Variants in FRMD4B observed in about 807,000 individuals in gnomAD.
The protein encoded by FRMD4B is FERM domain-containing protein 4B.
Under a neutral mutation model 141.5 loss-of-function variants are expected in FRMD4B, and 74 were observed. That is an observed-to-expected ratio of 0.52 (90% CI 0.43 to 0.63). FRMD4B has a LOEUF of 0.63. Among genes scored for constraint, FRMD4B ranks in the 30% least tolerant of loss-of-function variants. FRMD4B has a pLI of 0.00. For synonymous variants in FRMD4B, 506 were observed against 467.9 expected (o/e 1.08, Z -1.05); for missense variants, 1,366 against 1,253.4 (o/e 1.09, Z -1.36).
chr3:69,529,126 G>A lies in FRMD4B; in HGVS notation c.-129+13080C>T, dbSNP rs74550638. ...GTTGGCCACCAGCAACACCAGCAGC[G>A]TCTGCTATAGTAATCAACACAGAAC... On this transcript the variant is annotated intron_variant, in intron 1 of 5. Coordinates refer to the FRMD4B transcript ENST00000459638. Among the ~76,000 whole-genome samples the A allele has an allele frequency of 2.7e-3, 407 of 152,260 alleles. 3 individuals carry two copies. Among genetic ancestry groups the A allele is most frequent in the African/African-American group, 9.1e-3 (379 of 41,556 alleles).
At chr3:69,420,305 A>C (rs1016209549) in intron 2 of FRMD4B, among the ~76,000 whole-genome samples, 1 of 150,966 alleles carries the variant, frequency 6.6e-6, no homozygotes, top group Non-Finnish European at 1.5e-5. Flanking sequence ...AAAAAAAAAA[A>C]CAACCAAAAC....
intron 1 of FRMD4B, chr3:69,536,437 A>G: frequency 1.4e-6 from 1 of 707,358 alleles, no homozygotes; most frequent in Non-Finnish European, 2.6e-6. Context: ...GAGGACGTCC[A>G]CCGTTGGGTA....
intron 21 of FRMD4B, 138 bp downstream of exon 21, chr3:69,180,761 T>C: frequency 1.6e-6 from 1 of 622,198 alleles, no homozygotes; most frequent in African/African-American, 1.8e-5. Flanking sequence ...TGGAAATTCT[T>C]ATTGTGGGGT....
At chr3:69,269,669 G>C (rs1014631522) in intron 5 of FRMD4B, among the ~76,000 whole-genome samples, 7 of 152,212 alleles carry the variant, frequency 4.6e-5, no homozygotes, top group African/African-American at 1.7e-4. Context: ...TTTTGAGACA[G>C]GGTCTTGCTC....
chr3:69,415,529 C>G (rs1367002791), intron 2 of FRMD4B, among the ~76,000 whole-genome samples: 1 of 152,140 alleles, frequency 6.6e-6, no homozygotes, highest in Non-Finnish European at 1.5e-5. Context: ...CCTGTTGCCT[C>G]CATATGGAAC....
intron 2 of FRMD4B, among the ~76,000 whole-genome samples, chr3:69,401,638 G>A (rs1358244021): frequency 1.3e-5 from 2 of 152,004 alleles, no homozygotes; most frequent in Non-Finnish European, 2.9e-5. Context: ...CAGCTTTGAC[G>A]TCCTGGGCTC....
chr3:69,436,374 G>A (rs981695883), intron 1 of FRMD4B, among the ~76,000 whole-genome samples: 2 of 152,112 alleles, frequency 1.3e-5, no homozygotes, highest in Non-Finnish European at 2.9e-5. Context: ...AAAACTGTAG[G>A]ATAAACCACA....
At chr3:69,214,073 C>T (rs1265186071) in intron 11 of FRMD4B, among the ~76,000 whole-genome samples, 1 of 152,044 alleles carries the variant, frequency 6.6e-6, no homozygotes, top group Non-Finnish European at 1.5e-5. Flanking sequence ...GGGGATATGG[C>T]TTTCCCTAAT....
At chr3:69,427,649 T>G (rs1014087724) in intron 2 of FRMD4B, among the ~76,000 whole-genome samples, 6 of 116,950 alleles carry the variant, frequency 5.1e-5, no homozygotes, top group East Asian at 2.7e-4. Flanking sequence ...AAATGTTTTT[T>G]TTTTTTTTTT....
At chr3:69,305,633 A>T (rs1397385915) in intron 3 of FRMD4B, among the ~76,000 whole-genome samples, 1 of 152,220 alleles carries the variant, frequency 6.6e-6, no homozygotes, top group African/African-American at 2.4e-5. Flanking sequence ...TCACACCTGT[A>T]ATCTCAGCAT....
intron 1 of FRMD4B, among the ~76,000 whole-genome samples, chr3:69,455,262 C>T (rs373232763): frequency 6.6e-6 from 1 of 152,206 alleles, no homozygotes; most frequent in Admixed American, 6.5e-5. Context: ...TGCCAGAGGC[C>T]ACAGCAGTGA....
chr3:69,510,215 T>C (rs1339492921), intron 1 of FRMD4B, among the ~76,000 whole-genome samples: 2 of 152,174 alleles, frequency 1.3e-5, no homozygotes, highest in East Asian at 1.9e-4. Context: ...ATAGTAATAA[T>C]AGCGATTTTT....
intron 1 of FRMD4B, among the ~76,000 whole-genome samples, chr3:69,327,374 G>T (rs184939137): frequency 6.6e-6 from 1 of 152,222 alleles, no homozygotes; most frequent in East Asian, 1.9e-4. Context: ...GCCTATTCAC[G>T]GTATAATACA....
chr3:69,200,401 T>C (rs569547154), intron 11 of FRMD4B: 17 of 995,126 alleles, frequency 1.7e-5, no homozygotes, highest in Non-Finnish European at 2.0e-5. Context: ...AAACTTGAGG[T>C]TTTCATTTCT....
intron 5 of FRMD4B, among the ~76,000 whole-genome samples, chr3:69,267,024 T>C (rs959012479): frequency 6.6e-6 from 1 of 152,170 alleles, no homozygotes; most frequent in African/African-American, 2.4e-5. Context: ...TTCTAAAACT[T>C]TGGTGTATTG....
chr3:69,204,518 C>T (rs986766047), intron 11 of FRMD4B, among the ~76,000 whole-genome samples: 4 of 152,268 alleles, frequency 2.6e-5, no homozygotes, highest in Non-Finnish European at 4.4e-5. Flanking sequence ...GCTATTATTA[C>T]GTGAAGCCAA....
intron 18 of FRMD4B, among the ~76,000 whole-genome samples, 164 bp downstream of exon 18, chr3:69,189,732 G>A (rs895287403): frequency 6.6e-6 from 1 of 152,180 alleles, no homozygotes; most frequent in African/African-American, 2.4e-5. Context: ...CTGAGTAGGT[G>A]TTAATCATAC....
chr3:69,466,151 G>A (rs1468761490), intron 1 of FRMD4B, among the ~76,000 whole-genome samples: 1 of 152,108 alleles, frequency 6.6e-6, no homozygotes, highest in Non-Finnish European at 1.5e-5. Context: ...GCGATGATGA[G>A]CATTCTTTCA....
chr3:69,349,935 C>G (rs1397842646), intron 1 of FRMD4B, among the ~76,000 whole-genome samples: 1 of 152,132 alleles, frequency 6.6e-6, no homozygotes, highest in Admixed American at 6.5e-5. Context: ...ATGTCTAAAA[C>G]ACCAAAAGCA....
Sources: allele counts gnomAD v4.1 joint callset (sites outside exome capture counted in the v4.1 genomes callset), GRCh38; gene constraint gnomAD v4.1.1; transcripts MANE v1.5; gene names NCBI Gene and HGNC (gene_info 2026-07-23, HGNC 2026-07-21).